Variants in CSRNP3 observed in about 807,000 individuals in gnomAD.
The protein encoded by CSRNP3 is cysteine/serine-rich nuclear protein 3.
In CSRNP3, 12 loss-of-function variants were observed where a neutral mutation model predicts 48.0. The observed-to-expected ratio is 0.25, with a 90% CI of 0.16 to 0.41. The LOEUF is 0.41. Among genes scored for constraint, CSRNP3 ranks in the 10% least tolerant of loss-of-function variants. The pLI, the probability that CSRNP3 is intolerant of heterozygous loss-of-function variation, is 1.00. For synonymous variants in CSRNP3, 263 were observed against 269.7 expected (o/e 0.98, Z 0.24); for missense variants, 580 against 724.4 (o/e 0.80, Z 2.29).
At chr2:165,589,130 A>T (rs1228657738) in intron 3 of CSRNP3, among the ~76,000 whole-genome samples, 2 of 152,198 alleles carry the variant, frequency 1.3e-5, no homozygotes, top group Non-Finnish European at 2.9e-5. Context: ...AATTATCCTC[A>T]CCTGGCTCTG....
intron 5 of CSRNP3, among the ~76,000 whole-genome samples, chr2:165,674,059 C>T (rs1553485035): frequency 6.6e-6 from 1 of 151,978 alleles, no homozygotes; most frequent in Non-Finnish European, 1.5e-5. Flanking sequence ...AAAAATAAAT[C>T]AATCTCTGTT....
intron 3 of CSRNP3, among the ~76,000 whole-genome samples, chr2:165,582,585 A>G (rs975823723): frequency 6.6e-6 from 1 of 152,194 alleles, no homozygotes; most frequent in African/African-American, 2.4e-5. Context: ...GAAGTGGGTG[A>G]CCCTGACGGT....
intron 1 of CSRNP3, among the ~76,000 whole-genome samples, chr2:165,473,042 A>G (rs1683914508): frequency 6.6e-6 from 1 of 152,122 alleles, no homozygotes; most frequent in Non-Finnish European, 1.5e-5. Flanking sequence ...ATAGACTAGT[A>G]AATGGATTAT....
At chr2:165,494,557 C>G (rs1044045110) in intron 1 of CSRNP3, among the ~76,000 whole-genome samples, 1 of 152,038 alleles carries the variant, frequency 6.6e-6, no homozygotes, top group Non-Finnish European at 1.5e-5. Flanking sequence ...TTATAAGACA[C>G]TGTTGTCAGA....
intron 1 of CSRNP3, among the ~76,000 whole-genome samples, chr2:165,471,060 A>G (rs1268925343): frequency 6.6e-6 from 1 of 151,990 alleles, no homozygotes; most frequent in Non-Finnish European, 1.5e-5. Context: ...AGACACAAAT[A>G]TAATAGTTCT....
chr2:165,595,332 AG>A, intron 4 of CSRNP3, 119 bp downstream of exon 4: 1 of 940,010 alleles, frequency 1.1e-6, no homozygotes, highest in Non-Finnish European at 1.6e-6. Context: ...CCAAATACAA[AG>A]AACACTTACC....
intron 4 of CSRNP3, among the ~76,000 whole-genome samples, chr2:165,648,904 A>C (rs1311972057): frequency 6.6e-6 from 1 of 152,194 alleles, no homozygotes; most frequent in Non-Finnish European, 1.5e-5. Context: ...TCAGTAGATG[A>C]GTATTCGATC....
At chr2:165,673,231 AG>A (rs1460798747) in intron 5 of CSRNP3, among the ~76,000 whole-genome samples, 1 of 131,942 alleles carries the variant, frequency 7.6e-6, no homozygotes, top group Non-Finnish European at 1.5e-5. Context: ...TTTGCCTCCC[AG>A]GTTCAAGTGA....
At chr2:165,654,398 TAAATG>T in intron 4 of CSRNP3, among the ~76,000 whole-genome samples, 1 of 152,202 alleles carries the variant, frequency 6.6e-6, no homozygotes, top group African/African-American at 2.4e-5. Context: ...TATACATAAA[TAAATG>T]GAAGATTATG....
intron 3 of CSRNP3, among the ~76,000 whole-genome samples, chr2:165,592,946 C>T (rs556312945): frequency 2.7e-5 from 4 of 149,912 alleles, no homozygotes; most frequent in African/African-American, 9.8e-5. Context: ...GGACTACAGG[C>T]GCCCGCCACT....
chr2:165,624,829 T>C (rs1686402097), intron 4 of CSRNP3, among the ~76,000 whole-genome samples: 1 of 152,170 alleles, frequency 6.6e-6, no homozygotes, highest in Admixed American at 6.5e-5. Context: ...ACACATTGTA[T>C]TGTTCATCTC....
intron 1 of CSRNP3, among the ~76,000 whole-genome samples, chr2:165,484,488 A>AT (rs1684087112): frequency 6.6e-6 from 1 of 152,104 alleles, no homozygotes; most frequent in African/African-American, 2.4e-5. Context: ...AACAAATACA[A>AT]TTTTTCAGTG....
chr2:165,492,143 C>G (rs369378089), intron 1 of CSRNP3, among the ~76,000 whole-genome samples: 3 of 152,202 alleles, frequency 2.0e-5, no homozygotes, highest in South Asian at 4.1e-4. Flanking sequence ...CTGATTGTAA[C>G]TGCTCATCGG....
At chr2:165,533,399 A>G (rs1684840597) in intron 3 of CSRNP3, among the ~76,000 whole-genome samples, 1 of 152,094 alleles carries the variant, frequency 6.6e-6, no homozygotes, top group South Asian at 2.1e-4. Flanking sequence ...TTTGAAAGCC[A>G]ATCCTCCATT....
chr2:165,597,077 G>A (rs771204586), intron 4 of CSRNP3, among the ~76,000 whole-genome samples: 4 of 152,016 alleles, frequency 2.6e-5, no homozygotes, highest in Non-Finnish European at 5.9e-5. Context: ...CCTTTTGCAT[G>A]GTCTTATTCC....
intron 3 of CSRNP3, among the ~76,000 whole-genome samples, chr2:165,527,456 C>T (rs1558925547): frequency 2.0e-5 from 3 of 151,926 alleles, no homozygotes; most frequent in Admixed American, 6.6e-5. Context: ...CCGTCCTGCT[C>T]AGCCTCCTAA....
At chr2:165,627,911 C>T (rs1424639506) in intron 4 of CSRNP3, among the ~76,000 whole-genome samples, 1 of 152,164 alleles carries the variant, frequency 6.6e-6, no homozygotes, top group South Asian at 2.1e-4. Context: ...CCTCTTGAAC[C>T]CATTCTTCAG....
intron 1 of CSRNP3, among the ~76,000 whole-genome samples, chr2:165,490,357 A>C (rs1684186358): frequency 6.8e-6 from 1 of 147,062 alleles, no homozygotes; most frequent in Non-Finnish European, 1.5e-5. Flanking sequence ...CAATATCTTG[A>C]AAATGGCCAT....
At chr2:165,659,929 C>CTACT (rs1473285141) in intron 5 of CSRNP3, among the ~76,000 whole-genome samples, 2 of 152,144 alleles carry the variant, frequency 1.3e-5, no homozygotes, top group African/African-American at 4.8e-5. Flanking sequence ...TTAAATTAAG[C>CTACT]TGGATACAAG....
Sources: allele counts gnomAD v4.1 joint callset (sites outside exome capture counted in the v4.1 genomes callset), GRCh38; gene constraint gnomAD v4.1.1; transcripts MANE v1.5; gene names NCBI Gene and HGNC (gene_info 2026-07-23, HGNC 2026-07-21).